TENM1: variants seen among roughly 807,000 people sequenced by gnomAD.
TENM1 encodes the protein teneurin transmembrane protein 1, also known as teneurin-1.
A neutral mutation model predicts 174.8 loss-of-function variants in TENM1; 35 were observed. The ratio of observed to expected loss-of-function variants is 0.20; its 90% CI spans 0.15 to 0.27. The LOEUF (loss-of-function observed/expected upper bound fraction) is 0.27, where lower values mean the gene tolerates loss of function less well. Among genes scored for constraint, TENM1 ranks in the 10% least tolerant of loss-of-function variants. The pLI is 1.00. For missense variants in TENM1, 1,633 were observed against 2,130.1 expected (o/e 0.77, Z 4.59); for synonymous variants, 781 against 798.7 (o/e 0.98, Z 0.37).
chrX:124,579,188 C>G (rs1426733531), intron 11 of TENM1, among the ~76,000 whole-genome samples: 1 of 111,758 alleles, frequency 8.9e-6, no homozygotes, highest in African/African-American at 3.3e-5. Flanking sequence ...TGGTCACACA[C>G]TACATATAAA....
At position 124,889,805 on chromosome X, in the gene TENM1, C is replaced by T. The variant is rs188489939; in HGVS notation, c.535+4491G>A. ...ACTATTTTAGTTATATTAAAATGTA[C>T]AATCAGACTATTACTGACTACAGTC... On this transcript the variant is annotated intron_variant, in intron 3 of 31. Transcript: ENST00000422452. Among the ~76,000 whole-genome samples the T allele has an allele frequency of 5.8e-3, 651 of 111,556 alleles. 3 individuals are homozygous for T. Among genetic ancestry groups the T allele is most frequent in the Non-Finnish European group, 9.4e-3 (500 of 53,018 alleles).
exon 3 of TENM1, chrX:124,894,343 A>T: frequency 8.4e-7 from 1 of 1,196,387 alleles, no homozygotes; most frequent in Non-Finnish European, 1.1e-6. Flanking sequence ...AACAGGAGAG[A>T]ATTTGAAACC....
intron 14 of TENM1, among the ~76,000 whole-genome samples, chrX:124,556,354 C>T (rs1256282724): frequency 9.0e-6 from 1 of 111,299 alleles, no homozygotes; most frequent in African/African-American, 3.3e-5. Context: ...GAGGCTCAGG[C>T]AGGAGAATAG....
At chrX:125,062,936 T>C in the TENM1 span, among the ~76,000 whole-genome samples, 1 of 112,349 alleles carries the variant, frequency 8.9e-6, no homozygotes, top group Non-Finnish European at 1.9e-5. Context: ...TATAATATGC[T>C]ATTGGATGAG....
the TENM1 span, among the ~76,000 whole-genome samples, chrX:125,062,584 A>G: frequency 8.9e-6 from 1 of 112,377 alleles, no homozygotes; most frequent in African/African-American, 3.2e-5. Flanking sequence ...CCTGGAATCA[A>G]TAGATAACCC....
Position 124,889,040 on chromosome X carries a change from G to A in TENM1, c.535+5256C>T, listed in dbSNP as rs774517452. On this transcript the variant is annotated intron_variant, in intron 3 of 31. Coordinates refer to ENST00000422452, the Ensembl canonical transcript of TENM1. ...ATTGTATTAATATTACCACTTTTAC[G>A]TTACTAAATGGTTTCACATCCCTTG... Among the ~76,000 whole-genome samples the A allele has an allele frequency of 1.1e-3, 119 of 111,915 alleles. 2 individuals are homozygous for A. The highest frequency in any genetic ancestry group is 1.8e-3 in the Non-Finnish European group (94 of 53,133).
At chrX:124,464,351 A>C (rs763854291) in intron 22 of TENM1, among the ~76,000 whole-genome samples, 1 of 112,384 alleles carries the variant, frequency 8.9e-6, no homozygotes, top group South Asian at 3.7e-4. Context: ...AATACTCAAT[A>C]AAAGCAGGAT....
chrX:124,834,808 C>T (rs2056360519), intron 3 of TENM1, among the ~76,000 whole-genome samples: 1 of 112,098 alleles, frequency 8.9e-6, no homozygotes, highest in African/African-American at 3.2e-5. Flanking sequence ...TTTAGTAAAC[C>T]AATATTTCTC....
chrX:125,007,989 C>A, the TENM1 span, among the ~76,000 whole-genome samples: 1 of 111,103 alleles, frequency 9.0e-6, no homozygotes, highest in East Asian at 2.8e-4. Flanking sequence ...TGCAAAATAA[C>A]CAGCTAGCAT....
intron 3 of TENM1, among the ~76,000 whole-genome samples, chrX:124,861,176 G>A (rs2056905122): frequency 2.7e-5 from 3 of 111,936 alleles, no homozygotes; most frequent in Non-Finnish European, 5.6e-5. Context: ...TATTGAGGGC[G>A]AGTAAAAATA....
At chrX:124,569,754 T>G (rs756535886) in intron 11 of TENM1, among the ~76,000 whole-genome samples, 15 of 111,290 alleles carry the variant, frequency 1.3e-4, no homozygotes, top group Admixed American at 8.6e-4. Context: ...ACAGAAAAAT[T>G]TATAAGGTAG....
intron 3 of TENM1, among the ~76,000 whole-genome samples, chrX:124,875,340 T>C (rs923693959): frequency 9.0e-6 from 1 of 111,023 alleles, no homozygotes; most frequent in African/African-American, 3.3e-5. Flanking sequence ...ACTATTAATT[T>C]GGTGTGCTAA....
At chrX:124,781,587 G>A (rs1025250382) in intron 3 of TENM1, among the ~76,000 whole-genome samples, 2 of 111,397 alleles carry the variant, frequency 1.8e-5, no homozygotes, top group Non-Finnish European at 3.8e-5. Flanking sequence ...TTATTATCAT[G>A]ATATAGAGTA....
At chrX:124,624,268 T>C (rs1264985161) in intron 11 of TENM1, among the ~76,000 whole-genome samples, 1 of 111,689 alleles carries the variant, frequency 9.0e-6, no homozygotes, top group East Asian at 2.8e-4. Context: ...TCCTAGTATT[T>C]ATATCTTCCC....
At chrX:124,948,705 A>T (rs1256498057) in intron 1 of TENM1, among the ~76,000 whole-genome samples, 2 of 112,022 alleles carry the variant, frequency 1.8e-5, no homozygotes, top group East Asian at 5.6e-4. Context: ...GGTGTCTGCC[A>T]CCATGCCCAG....
the TENM1 span, among the ~76,000 whole-genome samples, chrX:125,052,630 T>C: frequency 9.0e-6 from 1 of 111,349 alleles, no homozygotes; most frequent in African/African-American, 3.3e-5. Flanking sequence ...ATAAGAGTAA[T>C]GTGAAAAGGG....
chrX:125,174,064 C>T, the TENM1 span, among the ~76,000 whole-genome samples: 17 of 111,009 alleles, frequency 1.5e-4, no homozygotes, highest in African/African-American at 5.5e-4. Flanking sequence ...GGTTTTAAGC[C>T]TCAAGGGTAG....
At chrX:125,034,980 C>T in the TENM1 span, among the ~76,000 whole-genome samples, 33 of 111,815 alleles carry the variant, frequency 3.0e-4, no homozygotes, top group Admixed American at 1.3e-3. Flanking sequence ...TACTAAATAA[C>T]TAACAAATGG....
intron 1 of TENM1, among the ~76,000 whole-genome samples, chrX:124,912,382 A>G (rs2057851299): frequency 9.0e-6 from 1 of 111,346 alleles, no homozygotes; most frequent in Admixed American, 9.6e-5. Context: ...TTTTCTTCCC[A>G]AAATATTTTT....
Sources: gnomAD v4.1 joint callset for allele counts (sites outside exome capture counted in the v4.1 genomes callset) on GRCh38, gnomAD v4.1.1 for gene constraint, MANE v1.5 for transcripts, NCBI Gene and HGNC (gene_info 2026-07-23, HGNC 2026-07-21) for gene names.